TSFM: variants seen among roughly 807,000 people sequenced by gnomAD.
TSFM encodes the protein Ts translation elongation factor, mitochondrial, also known as elongation factor Ts, mitochondrial.
In TSFM, 29 loss-of-function variants were observed where a neutral mutation model predicts 33.4. That is an observed-to-expected ratio of 0.87 (90% CI 0.65 to 1.18). The LOEUF (loss-of-function observed/expected upper bound fraction) is 1.18. TSFM is among the 50% of genes most tolerant of loss of function. The pLI, the probability that TSFM is intolerant of heterozygous loss-of-function variation, is 0.00. For missense variants in TSFM, 394 were observed against 395.6 expected (o/e 1.00, Z 0.04); for synonymous variants, 178 against 163.5 (o/e 1.09, Z -0.68).
intron 2 of TSFM, 57 bp from the exon 3 acceptor site, chr12:57,786,106 C>T: frequency 4.6e-6 from 7 of 1,522,700 alleles, no homozygotes; most frequent in East Asian, 2.4e-5. Context: ...CTTAGAACTA[C>T]ATTTAGTGCT....
At chr12:57,789,438 A>G (rs899123363) in intron 4 of TSFM, among the ~76,000 whole-genome samples, 1 of 152,162 alleles carries the variant, frequency 6.6e-6, no homozygotes, top group Non-Finnish European at 1.5e-5. Flanking sequence ...ATCTCAGCTC[A>G]CTGCAACCTT....
At chr12:57,784,676 C>T (rs766598639) in intron 2 of TSFM, among the ~76,000 whole-genome samples, 12 of 151,384 alleles carry the variant, frequency 7.9e-5, no homozygotes, top group South Asian at 2.1e-4. Context: ...GTTGCGAGTT[C>T]GAGACTAGCC....
intron 2 of TSFM, chr12:57,783,647 G>GCA: frequency 3.5e-6 from 2 of 572,492 alleles, no homozygotes; most frequent in South Asian, 3.1e-5. Flanking sequence ...AGGCCGGCGT[G>GCA]CAATGGCACG....
chr12:57,802,031 G>T, downstream of TSFM: 3 of 1,056,812 alleles, frequency 2.8e-6, no homozygotes, highest in Admixed American at 5.5e-5. Context: ...AAGGCAGGGA[G>T]TGGGATGGGA....
Position 57,797,316 on chromosome 12 carries a change from C to T in TSFM, c.*733C>T, listed in dbSNP as rs910705851. 103 of 985,242 alleles carry T rather than the reference C, an allele frequency of 1.0e-4. No homozygotes were observed. The highest frequency in any genetic ancestry group is 1.2e-4 in the Non-Finnish European group (100 of 829,932). The allele number at this position is 985,242 out of a possible 1,614,324, so 61.0% of individuals were successfully genotyped here. A position where few individuals can be genotyped will look rare whatever the true frequency, so the allele number is the denominator to read the frequency against. ...TTACTTCCCCAGTACTGAAACATTTCTTCAAGTATAACATAAAATTACCGT... is the reference window on the plus strand; with the variant it reads ...TTACTTCCCCAGTACTGAAACATTTTTTCAAGTATAACATAAAATTACCGT... On this transcript the variant is annotated 3_prime_UTR_variant, in exon 6 of 6. Coordinates refer to ENST00000652027, the MANE Select transcript of TSFM (RefSeq NM_005726.6).
intron 4 of TSFM, among the ~76,000 whole-genome samples, chr12:57,788,006 T>C (rs1955612291): frequency 6.6e-6 from 1 of 152,224 alleles, no homozygotes; most frequent in South Asian, 2.1e-4. Context: ...AAAGGAATTA[T>C]GTCATTCTGC....
downstream of TSFM, chr12:57,801,129 G>A (rs1020568133): frequency 9.9e-6 from 16 of 1,612,310 alleles, no homozygotes; most frequent in African/African-American, 1.3e-5. Flanking sequence ...TCTCCCAAGA[G>A]CGAACCCGAC....
chr12:57,795,641 G>C (rs2140427902), intron 5 of TSFM, among the ~76,000 whole-genome samples: 1 of 151,786 alleles, frequency 6.6e-6, no homozygotes, highest in Admixed American at 6.5e-5. Flanking sequence ...TTTGTTTTTG[G>C]AGAGAGTCTT....
chr12:57,783,457 G>A (rs1448723101), intron 2 of TSFM, among the ~76,000 whole-genome samples, 174 bp downstream of exon 2: 2 of 152,250 alleles, frequency 1.3e-5, no homozygotes, highest in Non-Finnish European at 2.9e-5. Flanking sequence ...TTATTTGAAA[G>A]CAGTTGAGTA....
At chr12:57,788,672 T>C (rs1955622220) in intron 4 of TSFM, among the ~76,000 whole-genome samples, 1 of 152,230 alleles carries the variant, frequency 6.6e-6, no homozygotes, top group Non-Finnish European at 1.5e-5. Context: ...TCTGGCTTTC[T>C]TGCCCAGCCT....
chr12:57,794,303 A>T (rs1340553040), intron 5 of TSFM, among the ~76,000 whole-genome samples: 1 of 152,176 alleles, frequency 6.6e-6, no homozygotes, highest in Non-Finnish European at 1.5e-5. Flanking sequence ...TTTAGATATG[A>T]CTATGGCTAA....
rs180920639 is a variant in TSFM at position 57,784,771 on chromosome 12, T to A, written c.232-1392T>A. ...GGCAAGGGCCTGTAATCCCAGCTAC[T>A]CGGGAGGCTGAGGTAGGATAATCTC... is the stretch of plus-strand genomic sequence containing the variant. On this transcript the variant is annotated intron_variant, in intron 2 of 5. Transcript: ENST00000652027. Among the ~76,000 whole-genome samples the A allele has an allele frequency of 2.1e-3, 315 of 151,706 alleles. 1 individual carries two copies. The highest frequency in any genetic ancestry group is 2.7e-3 in the Non-Finnish European group (185 of 67,924).
chr12:57,796,221 A>C lies in TSFM; in HGVS notation c.616A>C (p.Lys206Gln), dbSNP rs1383793488. 6.2e-7 allele frequency: 1 copy of C among 1,606,032 alleles called. No homozygotes were observed. Among genetic ancestry groups the C allele is most frequent in the East Asian group, 2.2e-5 (1 of 44,742 alleles). The change falls in exon 6 of 6, where the codon AAG becomes CAG. Residue 206 changes from lysine to glutamine, a missense_variant. This residue lies in a region of TSFM where 186 missense variants were observed against 198.8 expected (regional missense o/e 0.94). Coordinates refer to ENST00000652027, the MANE Select transcript of TSFM (RefSeq NM_005726.6). ...GATTCTTAAACGAGCTGCATGGGTG[A>C]AGGTGCCATCTGGGTTCTACGTTGG... ...NMILKRAAWVKVPSGFYVGSY... is the reference protein window; with the variant it reads ...NMILKRAAWVQVPSGFYVGSY...
chr12:57,795,967 T>C (rs1486126615), intron 5 of TSFM, among the ~76,000 whole-genome samples: 2 of 152,180 alleles, frequency 1.3e-5, no homozygotes, highest in Non-Finnish European at 1.5e-5. Context: ...CATAAAGGTA[T>C]TCTTCACTTC....
intron 4 of TSFM, among the ~76,000 whole-genome samples, chr12:57,789,555 G>C (rs111327270): frequency 6.6e-6 from 1 of 151,802 alleles, no homozygotes; most frequent in Non-Finnish European, 1.5e-5. Flanking sequence ...TAGTAGAAAT[G>C]GGGTTTTGCC....
chr12:57,783,640 C>T, intron 2 of TSFM: 1 of 570,492 alleles, frequency 1.8e-6, no homozygotes, highest in Non-Finnish European at 3.3e-6. Flanking sequence ...GTGGCCCAGG[C>T]CGGCGTGCAA....
intron 4 of TSFM, among the ~76,000 whole-genome samples, chr12:57,789,702 T>G (rs985601171): frequency 6.6e-6 from 1 of 152,238 alleles, no homozygotes; most frequent in African/African-American, 2.4e-5. Flanking sequence ...ATTCTACTGT[T>G]AGAAATAAAT....
chr12:57,799,840 G>GTT, downstream of TSFM: 2 of 1,614,138 alleles, frequency 1.2e-6, no homozygotes, highest in Non-Finnish European at 1.7e-6. Context: ...CCTGATTCTG[G>GTT]TTTTTCAACA....
chr12:57,802,339 A>C (rs780676160), downstream of TSFM: 9 of 1,611,402 alleles, frequency 5.6e-6, no homozygotes, highest in Non-Finnish European at 7.6e-6. Context: ...GCCCCAATCC[A>C]CAAGAACACC....
Sources: gnomAD v4.1 joint callset for allele counts (sites outside exome capture counted in the v4.1 genomes callset) on GRCh38, gnomAD v4.1.1 for gene constraint, gnomAD v4.1.1 regional missense constraint, MANE v1.5 for transcripts, NCBI Gene and HGNC (gene_info 2026-07-23, HGNC 2026-07-21) for gene names.